CLGN: variants seen among roughly 807,000 people sequenced by gnomAD.
CLGN encodes the protein calmegin.
CLGN carries 62 observed loss-of-function variants against 79.1 expected under a neutral mutation model. The observed-to-expected ratio is 0.78, with a 90% CI of 0.64 to 0.97. The LOEUF (loss-of-function observed/expected upper bound fraction) is 0.97, where lower values mean the gene tolerates loss of function less well. Among genes scored for constraint, CLGN ranks in the 50% least tolerant of loss-of-function variants. The probability of loss-of-function intolerance (pLI) is 0.00; values close to 1 mark genes in which losing one functional copy is unlikely to be tolerated. For synonymous variants in CLGN, 225 were observed against 224.7 expected (o/e 1.00, Z -0.01); for missense variants, 647 against 715.5 (o/e 0.90, Z 1.09).
intron 6 of CLGN, 30 bp from the exon 7 acceptor site, chr4:140,400,579 T>C (rs1432238505): frequency 7.1e-7 from 1 of 1,411,716 alleles, no homozygotes; most frequent in Non-Finnish European, 9.8e-7. Context: ...TTGGCATTAG[T>C]CCAGAATCAC....
intron 4 of CLGN, 31 bp downstream of exon 4, chr4:140,409,806 G>A (rs973847452): frequency 1.4e-6 from 2 of 1,449,968 alleles, no homozygotes; most frequent in African/African-American, 1.4e-5. Flanking sequence ...GGCCATACTG[G>A]TTATATCTAA....
At chr4:140,389,530 T>C (rs955316686) in intron 14 of CLGN, among the ~76,000 whole-genome samples, 8 of 151,832 alleles carry the variant, frequency 5.3e-5, no homozygotes, top group African/African-American at 1.9e-4. Context: ...GACTGAAAGA[T>C]GGAATTAAGA....
chr4:140,425,330 G>A (rs959575225), intron 1 of CLGN, among the ~76,000 whole-genome samples: 13 of 151,944 alleles, frequency 8.6e-5, no homozygotes, highest in African/African-American at 2.9e-4. Context: ...GGTTGAAAAC[G>A]GCAAAATTCC....
At chr4:140,408,649 G>A (rs1259372853) in intron 4 of CLGN, among the ~76,000 whole-genome samples, 2 of 151,844 alleles carry the variant, frequency 1.3e-5, no homozygotes, top group East Asian at 1.9e-4. Flanking sequence ...CTGTAAGAAT[G>A]GCCATTATTA....
rs542367805 is a variant in CLGN at position 140,399,839 on chromosome 4, A to G, written c.694+518T>C. The stretch of plus-strand genomic sequence containing the variant: ...AAGTATATTAATATATGGCTGCTCA[A>G]TGCTTCTCCTTTCGAAGTACATGCC... On this transcript the variant is annotated intron_variant, in intron 7 of 14. Coordinates refer to ENST00000325617, the MANE Select transcript of CLGN (RefSeq NM_004362.3). 6.9e-4 allele frequency among the ~76,000 whole-genome samples: 105 copies of G among 152,312 alleles called. 1 individual carries two copies. Among genetic ancestry groups the G allele is most frequent in the African/African-American group, 2.4e-3 (101 of 41,570 alleles).
At chr4:140,404,224 G>A (rs1041704559) in intron 5 of CLGN, among the ~76,000 whole-genome samples, 1 of 151,892 alleles carries the variant, frequency 6.6e-6, no homozygotes, top group Non-Finnish European at 1.5e-5. Context: ...CTCCCGAGTA[G>A]CTGGGGCTAC....
At chr4:140,410,659 T>G (rs1171245749) in intron 2 of CLGN, 33 bp from the exon 3 acceptor site, 1 of 1,259,946 alleles carries the variant, frequency 7.9e-7, no homozygotes, top group Admixed American at 1.9e-5. Flanking sequence ...CTAAAGTTAT[T>G]CATTTTCACA....
intron 5 of CLGN, among the ~76,000 whole-genome samples, chr4:140,404,083 A>T (rs1378101969): frequency 6.6e-6 from 1 of 151,320 alleles, no homozygotes; most frequent in Non-Finnish European, 1.5e-5. Context: ...TTTTATTTTT[A>T]TTTATTTATT....
intron 13 of CLGN, among the ~76,000 whole-genome samples, chr4:140,391,746 A>G (rs548678205): frequency 6.6e-6 from 1 of 152,052 alleles, no homozygotes; most frequent in African/African-American, 2.4e-5. Flanking sequence ...TAGGTTCAGC[A>G]ATCCTTTCAG....
intron 1 of CLGN, among the ~76,000 whole-genome samples, chr4:140,424,990 C>A (rs934145804): frequency 6.6e-6 from 1 of 152,140 alleles, no homozygotes; most frequent in Non-Finnish European, 1.5e-5. Flanking sequence ...CCACTACCAC[C>A]CCCAAATTAC....
intron 1 of CLGN, among the ~76,000 whole-genome samples, chr4:140,422,072 A>T (rs1049217659): frequency 6.6e-6 from 1 of 151,916 alleles, no homozygotes; most frequent in African/African-American, 2.4e-5. Context: ...GCACTTTTAT[A>T]AAAAAAATTT....
At chr4:140,419,414 T>C (rs555334014) in intron 1 of CLGN, among the ~76,000 whole-genome samples, 30 of 152,260 alleles carry the variant, frequency 2.0e-4, no homozygotes, top group African/African-American at 7.2e-4. Flanking sequence ...TATGTAGACC[T>C]CTTTAAAAGT....
intron 2 of CLGN, among the ~76,000 whole-genome samples, chr4:140,412,006 C>A (rs1016694944): frequency 2.6e-5 from 4 of 152,102 alleles, no homozygotes; most frequent in Non-Finnish European, 5.9e-5. Context: ...CTGTCAATTT[C>A]TTTGAAGTAT....
chr4:140,413,135 T>G, intron 1 of CLGN, 48 bp from the exon 2 acceptor site: 2 of 1,412,712 alleles, frequency 1.4e-6, no homozygotes, highest in Non-Finnish European at 2.0e-6. Context: ...ATTGTGAAAA[T>G]AAGTGTTAAG....
intron 8 of CLGN, among the ~76,000 whole-genome samples, chr4:140,398,556 G>A (rs1461065864): frequency 6.6e-6 from 1 of 151,548 alleles, no homozygotes; most frequent in Non-Finnish European, 1.5e-5. Context: ...ATCAAACTAG[G>A]AATGAAAATT....
intron 1 of CLGN, among the ~76,000 whole-genome samples, chr4:140,414,718 G>A (rs914936020): frequency 1.4e-5 from 2 of 147,614 alleles, no homozygotes; most frequent in Non-Finnish European, 3.0e-5. Context: ...CCAAATCTAC[G>A]TCTGATTGGT....
At chr4:140,412,057 G>GTAATGTA (rs1219375373) in intron 2 of CLGN, among the ~76,000 whole-genome samples, 1 of 151,978 alleles carries the variant, frequency 6.6e-6, no homozygotes, top group Admixed American at 6.6e-5. Context: ...CTGTATCCAA[G>GTAATGTA]TCAGTAATTA....
At chr4:140,419,739 A>G (rs2126633969) in intron 1 of CLGN, among the ~76,000 whole-genome samples, 1 of 152,332 alleles carries the variant, frequency 6.6e-6, no homozygotes, top group South Asian at 2.1e-4. Context: ...GGACAAAGAC[A>G]AAAATGATGG....
chr4:140,392,326 G>GT lies in CLGN; in HGVS notation c.1543dup (p.Thr515AsnfsTer30). On this transcript the variant is annotated frameshift_variant, in exon 13 of 15. Transcript: ENST00000325617. LOFTEE classifies it high-confidence loss of function. ...TTCTTCTTGCTCTAGTACTCCTTTTGTTTGTGGTATACATATGTCGGTTTT... is the reference window on the plus strand; with the variant it reads ...TTCTTCTTGCTCTAGTACTCCTTTTGTTTTGTGGTATACATATGTCGGTTTT... 6.2e-7 allele frequency: 1 copy of GT among 1,612,166 alleles called. No homozygotes were observed. Among genetic ancestry groups the GT allele is most frequent in the Non-Finnish European group, 8.5e-7 (1 of 1,179,044 alleles).
Sources: gnomAD v4.1 joint callset for allele counts (sites outside exome capture counted in the v4.1 genomes callset) on GRCh38, gnomAD v4.1.1 for gene constraint, MANE v1.5 for transcripts, NCBI Gene and HGNC (gene_info 2026-07-23, HGNC 2026-07-21) for gene names.